KATNAL2: variants seen among roughly 807,000 people sequenced by gnomAD.
The protein encoded by KATNAL2 is katanin p60 ATPase-containing subunit A-like 2.
A neutral mutation model predicts 76.3 loss-of-function variants in KATNAL2; 52 were observed. The observed-to-expected ratio is 0.68, with a 90% confidence interval of 0.55 to 0.86. The LOEUF (loss-of-function observed/expected upper bound fraction) is 0.86. Ranked by LOEUF, KATNAL2 falls within the 40% of genes least tolerant of loss-of-function variation. The pLI is 0.00. For synonymous variants in KATNAL2, 243 were observed against 244.2 expected (o/e 1.00, Z 0.05); for missense variants, 660 against 668.9 (o/e 0.99, Z 0.15).
intron 13 of KATNAL2, among the ~76,000 whole-genome samples, chr18:47,073,922 T>A (rs1251090124): frequency 6.6e-6 from 1 of 152,194 alleles, no homozygotes; most frequent in Non-Finnish European, 1.5e-5. Flanking sequence ...TCCTTCCAAC[T>A]GGGTGTTTGG....
In KATNAL2 at chr18:47,069,533, C is replaced by T. The variant is rs1417816405; in HGVS notation, c.941C>T (p.Thr314Ile). ...AKAVATECKTTFFNISASTIV... is the reference protein window; with the variant it reads ...AKAVATECKTIFFNISASTIV... ...GCTGTGGCCACTGAATGTAAAACAA[C>T]CTTCTTTAACATTTCTGCATCCACC... The change falls in exon 13 of 18, where the codon ACC (threonine) becomes ATC (isoleucine). Residue 314 changes from threonine (T) to isoleucine (I), a missense_variant. By Grantham distance (89) the Thr-to-Ile change is moderately conservative. Coordinates refer to ENST00000683218, the MANE Select transcript of KATNAL2 (RefSeq NM_001387690.1). The T allele has an allele frequency of 1.2e-6, 2 of 1,613,818 alleles. No individual in the cohort carries two copies. The highest frequency in any genetic ancestry group is 1.7e-6 in the Non-Finnish European group (2 of 1,179,906).
chr18:47,099,169 G>T (rs1407828220), intron 15 of KATNAL2, 74 bp from the exon 16 acceptor site: 2 of 1,461,174 alleles, frequency 1.4e-6, no homozygotes, highest in African/African-American at 2.8e-5. Flanking sequence ...ATGCTAAATT[G>T]TTCTTAAAGT....
At chr18:47,071,175 T>A (rs2061984937) in intron 13 of KATNAL2, among the ~76,000 whole-genome samples, 1 of 152,174 alleles carries the variant, frequency 6.6e-6, no homozygotes, top group Non-Finnish European at 1.5e-5. Context: ...AATTTTTGTA[T>A]TTTTTGTAGA....
intron 15 of KATNAL2, among the ~76,000 whole-genome samples, chr18:47,078,431 A>G (rs1031245364): frequency 2.0e-5 from 3 of 152,182 alleles, no homozygotes; most frequent in African/African-American, 7.2e-5. Flanking sequence ...TACTTTCTCT[A>G]CTTGCTCAGG....
intron 8 of KATNAL2, among the ~76,000 whole-genome samples, chr18:47,061,820 G>GC (rs201511644): frequency 0.022 from 3,419 of 152,140 alleles, 47 homozygotes; most frequent in East Asian, 0.044. Flanking sequence ...TTGGTGCAGT[G>GC]CTAGCACATA....
chr18:46,930,358 T>A (rs572589601), intron 1 of KATNAL2, among the ~76,000 whole-genome samples: 1 of 152,308 alleles, frequency 6.6e-6, no homozygotes, highest in Admixed American at 6.5e-5. Context: ...TTCTCATAAT[T>A]TGTCACTACT....
chr18:47,058,498 A>G, intron 7 of KATNAL2, 146 bp downstream of exon 7: 2 of 596,608 alleles, frequency 3.4e-6, no homozygotes, highest in Non-Finnish European at 6.0e-6. Context: ...TTCTTCCAGT[A>G]CACTGGACTA....
chr18:47,054,212 G>C (rs1320198741), intron 5 of KATNAL2, among the ~76,000 whole-genome samples, 184 bp from the exon 6 acceptor site: 1 of 152,190 alleles, frequency 6.6e-6, no homozygotes, highest in Non-Finnish European at 1.5e-5. Flanking sequence ...AGAAGCTCAG[G>C]CCTCTTTCTC....
intron 3 of KATNAL2, among the ~76,000 whole-genome samples, chr18:46,957,874 T>C (rs747954717): frequency 1.3e-5 from 2 of 152,054 alleles, no homozygotes; most frequent in Non-Finnish European, 2.9e-5. Flanking sequence ...ATTATTGTAT[T>C]TTTAGTAGAG....
chr18:46,923,238 C>T (rs182987106), intron 1 of KATNAL2, among the ~76,000 whole-genome samples: 2,185 of 133,666 alleles, frequency 0.016, 56 homozygotes, highest in African/African-American at 0.056. Context: ...CAACAGTCCC[C>T]GTCCCCGGTG....
intron 3 of KATNAL2, among the ~76,000 whole-genome samples, chr18:47,042,308 A>G (rs1033282885): frequency 1.9e-4 from 29 of 152,244 alleles, no homozygotes; most frequent in African/African-American, 7.0e-4. Flanking sequence ...CGATCAAACA[A>G]GTAGTACTTA....
At chr18:47,035,215 C>G in intron 3 of KATNAL2, 1 of 1,612,732 alleles carries the variant, frequency 6.2e-7, no homozygotes, top group African/African-American at 1.3e-5. Flanking sequence ...AGTGGCCAGA[C>G]GCACCTGCAG....
chr18:47,092,113 CATAGCAATGACT>C, intron 15 of KATNAL2, among the ~76,000 whole-genome samples: 1 of 152,134 alleles, frequency 6.6e-6, no homozygotes, highest in Non-Finnish European at 1.5e-5. Flanking sequence ...ATATTGGAGG[CATAGCAATGACT>C]ATACACATGG....
chr18:46,946,496 A>T lies in KATNAL2; in HGVS notation c.-70A>T. The T allele has an allele frequency of 1.0e-6, 1 of 985,478 alleles. No homozygotes were observed. Among genetic ancestry groups the T allele is most frequent in the Non-Finnish European group, 1.2e-6 (1 of 829,940 alleles). 61.0% of individuals were successfully genotyped at this position (985,478 alleles called of 1,614,324 possible). On this transcript the variant is annotated 5_prime_UTR_variant, in exon 2 of 18. Transcript: ENST00000683218. ...AAAATATAGTCTTGGGTATAGAAGC[A>T]TTGGGTCGCAAAGACCTGAACAACG...
intron 3 of KATNAL2, 114 bp from the exon 4 acceptor site, chr18:47,046,343 C>A: frequency 4.3e-6 from 3 of 701,096 alleles, no homozygotes; most frequent in South Asian, 1.7e-5. Flanking sequence ...TGCTTTCCAG[C>A]CTTTAAGTCA....
At chr18:46,927,607 A>G (rs1363541681) in intron 1 of KATNAL2, among the ~76,000 whole-genome samples, 4 of 151,980 alleles carry the variant, frequency 2.6e-5, no homozygotes, top group African/African-American at 9.7e-5. Context: ...CATTCACTGT[A>G]TTTCCTGAAT....
chr18:47,032,755 C>G, intron 3 of KATNAL2: 1 of 636,262 alleles, frequency 1.6e-6, no homozygotes, highest in Non-Finnish European at 2.6e-6. Context: ...AGTGAACATC[C>G]AAAATAGAAT....
chr18:46,939,339 A>T (rs62095390), intron 1 of KATNAL2, among the ~76,000 whole-genome samples: 2 of 27,860 alleles, frequency 7.2e-5, no homozygotes, highest in African/African-American at 4.9e-4. Context: ...TCTCACAATT[A>T]AAAAAAAAAA....
chr18:47,084,318 T>C (rs2062667282), intron 15 of KATNAL2: 1 of 702,792 alleles, frequency 1.4e-6, no homozygotes, highest in Non-Finnish European at 2.6e-6. Context: ...ATGTAACCCT[T>C]GTTCTTTCCA....
Sources: gnomAD v4.1 joint callset for allele counts (sites outside exome capture counted in the v4.1 genomes callset) on GRCh38, gnomAD v4.1.1 for gene constraint, MANE v1.5 for transcripts, NCBI Gene and HGNC (gene_info 2026-07-23, HGNC 2026-07-21) for gene names.